Variants in CLOCK observed in about 807,000 individuals in gnomAD.
CLOCK encodes the protein circadian locomoter output cycles protein kaput.
A neutral mutation model predicts 118.4 loss-of-function variants in CLOCK; 43 were observed. The ratio of observed to expected loss-of-function variants is 0.36; its 90% CI spans 0.28 to 0.47. The LOEUF (loss-of-function observed/expected upper bound fraction) is 0.47. Among genes scored for constraint, CLOCK ranks in the 20% least tolerant of loss-of-function variants. CLOCK has a pLI of 1.00. For synonymous variants in CLOCK, 326 were observed against 339.2 expected (o/e 0.96, Z 0.43); for missense variants, 846 against 999.9 (o/e 0.85, Z 2.08).
chr4:55,461,634 C>T (rs368082619), intron 9 of CLOCK, among the ~76,000 whole-genome samples: 1 of 152,088 alleles, frequency 6.6e-6, no homozygotes, highest in African/African-American at 2.4e-5. Flanking sequence ...GTCAGGTGAG[C>T]ACAGCCTGAG....
chr4:55,434,870 T>A lies in CLOCK; in HGVS notation c.*545A>T, dbSNP rs1722757168. On this transcript the variant is annotated 3_prime_UTR_variant, in exon 23 of 23. Coordinates refer to ENST00000513440, the MANE Select transcript of CLOCK (RefSeq NM_004898.4). Reference sequence around the variant, plus strand: ...TAGACATATACATATTTTTACATCATCTGTACATAGAGAATTTGAACCCAC... The same window carrying A: ...TAGACATATACATATTTTTACATCAACTGTACATAGAGAATTTGAACCCAC... 6.7e-6 allele frequency: 1 copy of A among 150,286 alleles called. No homozygotes were observed. The highest frequency in any genetic ancestry group is 2.5e-5 in the African/African-American group (1 of 40,126). 9.3% of individuals were successfully genotyped at this position (150,286 alleles called of 1,614,324 possible).
intron 1 of CLOCK, among the ~76,000 whole-genome samples, chr4:55,532,571 A>G (rs1448627781): frequency 6.6e-6 from 1 of 152,196 alleles, no homozygotes; most frequent in African/African-American, 2.4e-5. Context: ...TTACTATAGT[A>G]TCAAAAGAGG....
chr4:55,480,688 G>A (rs554635330), intron 4 of CLOCK, among the ~76,000 whole-genome samples: 18 of 152,196 alleles, frequency 1.2e-4, no homozygotes, highest in African/African-American at 4.1e-4. Flanking sequence ...CCAGGAGATC[G>A]AGACCATCCT....
chr4:55,448,643 T>TGTGC (rs1553891283), intron 18 of CLOCK, 136 bp downstream of exon 18: 143 of 579,572 alleles, frequency 2.5e-4, no homozygotes, highest in African/African-American at 3.6e-4. Context: ...TGTGTGTGTG[T>TGTGC]GCTCCTACCT....
At chr4:55,464,325 A>G (rs1399232320) in intron 8 of CLOCK, among the ~76,000 whole-genome samples, 2 of 152,214 alleles carry the variant, frequency 1.3e-5, no homozygotes, top group Non-Finnish European at 2.9e-5. Flanking sequence ...AAGGACAACT[A>G]ATATGTTAAG....
intron 3 of CLOCK, among the ~76,000 whole-genome samples, chr4:55,484,196 T>C (rs1727134967): frequency 6.6e-6 from 1 of 151,900 alleles, no homozygotes; most frequent in Admixed American, 6.6e-5. Context: ...TATTTTTTTT[T>C]CTTTTTGTTT....
At chr4:55,541,597 T>C (rs936846606) in intron 1 of CLOCK, among the ~76,000 whole-genome samples, 2 of 152,172 alleles carry the variant, frequency 1.3e-5, no homozygotes, top group Non-Finnish European at 2.9e-5. Flanking sequence ...ACATAATATA[T>C]ATGCTTCAAG....
rs1416627201 is a variant in CLOCK at position 55,435,524 on chromosome 4, C to T, written c.2432G>A (p.Ser811Asn). 1 of 1,613,890 alleles carries T rather than the reference C, an allele frequency of 6.2e-7. No individual in the cohort carries two copies. The highest frequency in any genetic ancestry group is 1.3e-5 in the African/African-American group (1 of 74,910). The change falls in exon 23 of 23, where the codon AGC becomes AAC. Residue 811 changes from serine (S) to asparagine (N), a missense_variant. By Grantham distance (46) the Ser-to-Asn change is conservative. Coordinates refer to ENST00000513440, the MANE Select transcript of CLOCK (RefSeq NM_004898.4). Reference sequence around the variant, plus strand: ...CTGGTGATGTGACTGAGGGAAGGTGCTCTGTTGTAGAGGAAATGCAGCAGA... The same window carrying T: ...CTGGTGATGTGACTGAGGGAAGGTGTTCTGTTGTAGAGGAAATGCAGCAGA... Reference protein sequence around the residue: ...ILSAAFPLQQSTFPQSHHQQH... With the variant: ...ILSAAFPLQQNTFPQSHHQQH...
chr4:55,514,399 T>A (rs1290424869), intron 1 of CLOCK, among the ~76,000 whole-genome samples: 1 of 152,128 alleles, frequency 6.6e-6, no homozygotes, highest in Non-Finnish European at 1.5e-5. Context: ...ACAATTCACA[T>A]ACTATAACAC....
Position 55,470,723 on chromosome 4 carries a change from A to C in CLOCK, c.432T>G (p.His144Gln). 6.3e-7 allele frequency: 1 copy of C among 1,590,450 alleles called. No homozygotes were observed. The highest frequency in any genetic ancestry group is 1.3e-5 in the African/African-American group (1 of 74,564). Residue 144 changes from histidine to glutamine, a missense_variant, in exon 8 of 23, where the codon CAT (histidine) becomes CAG (glutamine). Transcript: ENST00000513440. ...GTAGGATCTTTATACTTACTGGTAAATGTTCAAGTAATGAAGTTACACTCT... is the reference window on the plus strand; with the variant it reads ...GTAGGATCTTTATACTTACTGGTAACTGTTCAAGTAATGAAGTTACACTCT... ...VSESVTSLLE[H>Q]LPSDLVDQSI... is the part of the protein sequence containing the mutation.
At chr4:55,495,073 TC>T (rs1727966362) in intron 2 of CLOCK, among the ~76,000 whole-genome samples, 1 of 152,120 alleles carries the variant, frequency 6.6e-6, no homozygotes, top group Non-Finnish European at 1.5e-5. Flanking sequence ...GCATAGGAGA[TC>T]ATCAAAGAGA....
rs750221132 is a variant in CLOCK at position 55,463,819 on chromosome 4, T to C, written c.439-14A>G. On this transcript the variant is annotated splice_polypyrimidine_tract_variant and intron_variant, in intron 8 of 22. Coordinates refer to ENST00000513440, the MANE Select transcript of CLOCK (RefSeq NM_004898.4). ...CACAAGATCAGACTGAAAAGAAAAT[T>C]GTTAAAAGTAAAATAACTTCAATGA... 2 of 1,602,486 alleles carry C rather than the reference T, an allele frequency of 1.2e-6. No individual in the cohort carries two copies. The highest frequency in any genetic ancestry group is 1.7e-6 in the Non-Finnish European group (2 of 1,172,374).
At chr4:55,460,021 T>C (rs1365693950) in intron 9 of CLOCK, among the ~76,000 whole-genome samples, 1 of 152,194 alleles carries the variant, frequency 6.6e-6, no homozygotes, top group Non-Finnish European at 1.5e-5. Flanking sequence ...GTTTCACTAA[T>C]TATTTGGTAT....
At position 55,434,910 on chromosome 4, in the gene CLOCK, GTAAT is replaced by G. The variant is rs750277306; in HGVS notation, c.*501_*504del. 5.7e-6 allele frequency: 1 copy of G among 176,894 alleles called. No homozygotes were observed. Among genetic ancestry groups the G allele is most frequent in the Non-Finnish European group, 1.2e-5 (1 of 82,006 alleles). The allele number at this position is 176,894 out of a possible 1,614,324, so 11.0% of individuals were successfully genotyped here. The stretch of plus-strand genomic sequence containing the variant: ...TTTGAACCCACACAACATTCTGAAA[GTAAT>G]TACTGTTCCATCATTATCTGAAAAG... On this transcript the variant is annotated 3_prime_UTR_variant, in exon 23 of 23. Coordinates refer to ENST00000513440, the MANE Select transcript of CLOCK (RefSeq NM_004898.4).
At chr4:55,470,370 T>C (rs189710214) in intron 8 of CLOCK, among the ~76,000 whole-genome samples, 1 of 152,326 alleles carries the variant, frequency 6.6e-6, no homozygotes, top group East Asian at 1.9e-4. Context: ...GTACAGATTG[T>C]AGTCTAAGAG....
chr4:55,440,906 T>G (rs1227293693), intron 21 of CLOCK, among the ~76,000 whole-genome samples: 1 of 152,162 alleles, frequency 6.6e-6, no homozygotes, highest in African/African-American at 2.4e-5. Context: ...TCTGCCTTGG[T>G]GAAGCTTTCC....
intron 1 of CLOCK, among the ~76,000 whole-genome samples, chr4:55,525,066 G>T (rs2110072165): frequency 6.6e-6 from 1 of 152,208 alleles, no homozygotes; most frequent in Non-Finnish European, 1.5e-5. Flanking sequence ...TGTTATGAAT[G>T]AAATGAAACA....
intron 1 of CLOCK, among the ~76,000 whole-genome samples, chr4:55,541,279 A>T (rs1201789827): frequency 6.6e-6 from 1 of 152,252 alleles, no homozygotes; most frequent in Non-Finnish European, 1.5e-5. Flanking sequence ...ATTATAGTCA[A>T]TTAGTAACAA....
intron 15 of CLOCK, among the ~76,000 whole-genome samples, chr4:55,451,142 C>T (rs892591243): frequency 6.6e-6 from 1 of 152,098 alleles, no homozygotes; most frequent in Non-Finnish European, 1.5e-5. Context: ...TTCACTGTCC[C>T]TAATTCCCCC....
Sources: gnomAD v4.1 joint callset for allele counts (sites outside exome capture counted in the v4.1 genomes callset) on GRCh38, gnomAD v4.1.1 for gene constraint, MANE v1.5 for transcripts, NCBI Gene and HGNC (gene_info 2026-07-23, HGNC 2026-07-21) for gene names.